Variants in SRP54 observed in about 807,000 individuals in gnomAD.
SRP54 encodes signal recognition particle subunit SRP54.
Under a neutral mutation model 64.8 loss-of-function variants are expected in SRP54, and 10 were observed. The observed-to-expected ratio is 0.15, with a 90% CI of 0.10 to 0.26. SRP54 has a LOEUF of 0.26. Among genes scored for constraint, SRP54 ranks in the 10% least tolerant of loss-of-function variants. The pLI, the probability that SRP54 is intolerant of heterozygous loss-of-function variation, is 1.00. For missense variants in SRP54, 325 were observed against 613.7 expected, an observed-to-expected ratio of 0.53 and a Z score of 4.97; for synonymous variants, 193 against 185.6, an observed-to-expected ratio of 1.04 and a Z score of -0.32.
At chr14:35,028,562 G>A (rs1008638124) in intron 15 of SRP54, among the ~76,000 whole-genome samples, 3 of 151,716 alleles carry the variant, frequency 2.0e-5, no homozygotes, top group Admixed American at 6.6e-5. Context: ...TTTCCCCTTC[G>A]GTAAAATCAC....
intron 9 of SRP54, 69 bp downstream of exon 9, chr14:35,013,563 TC>T: frequency 6.8e-7 from 1 of 1,471,628 alleles, no homozygotes; most frequent in East Asian, 2.3e-5. Context: ...TTTATAGCTT[TC>T]ATATTGATCA....
At chr14:35,006,451 T>C (rs916531815) in intron 4 of SRP54, among the ~76,000 whole-genome samples, 3 of 152,164 alleles carry the variant, frequency 2.0e-5, no homozygotes, top group African/African-American at 7.2e-5. Context: ...GTTTTACATA[T>C]AAAATACACA....
rs141732899 is a variant in SRP54, at chr14:34,996,485, A to T, written c.-33-192A>T. The stretch of plus-strand genomic sequence containing the variant: ...ATACAAGATTCCAATTAAGTATTCA[A>T]ATATAAGGCATCATAACCAAGTAGC... On this transcript the variant is annotated intron_variant, in intron 1 of 15. Coordinates refer to ENST00000216774, the MANE Select transcript of SRP54 (RefSeq NM_003136.4). 5.7e-3 allele frequency among the ~76,000 whole-genome samples: 868 copies of T among 152,334 alleles called. 8 individuals carry two copies. Among genetic ancestry groups the T allele is most frequent in the Non-Finnish European group, 6.3e-3 (431 of 68,022 alleles).
intron 9 of SRP54, among the ~76,000 whole-genome samples, 154 bp downstream of exon 9, chr14:35,013,648 G>T (rs2044389704): frequency 6.6e-6 from 1 of 152,218 alleles, no homozygotes; most frequent in Non-Finnish European, 1.5e-5. Context: ...TTTGGAGCCT[G>T]TCTGATATAG....
chr14:34,999,796 G>A (rs374575757), intron 3 of SRP54, 147 bp downstream of exon 3: 32 of 563,364 alleles, frequency 5.7e-5, no homozygotes, highest in East Asian at 4.5e-4. Context: ...TATGTTGGGC[G>A]AGAGCATGTG....
intron 4 of SRP54, chr14:35,004,458 T>C (rs902367211): frequency 6.6e-6 from 1 of 152,190 alleles, no homozygotes; most frequent in African/African-American, 2.4e-5. Context: ...TGTTACAAGA[T>C]CATTTACCAG....
chr14:35,008,602 T>C (rs2044304820), intron 5 of SRP54, 25 bp from the exon 6 acceptor site: 2 of 1,451,458 alleles, frequency 1.4e-6, no homozygotes, highest in Non-Finnish European at 1.9e-6. Context: ...TATGATATTA[T>C]ATTTTTAAAT....
intron 8 of SRP54, 64 bp from the exon 9 acceptor site, chr14:35,013,282 A>G: frequency 6.9e-7 from 1 of 1,455,338 alleles, no homozygotes; most frequent in Non-Finnish European, 9.5e-7. Context: ...GCTTCTAATG[A>G]TGACATTTGC....
At chr14:34,999,007 GTGTGTGGT>G (rs1200541370) in intron 2 of SRP54, among the ~76,000 whole-genome samples, 2 of 74,948 alleles carry the variant, frequency 2.7e-5, no homozygotes, top group African/African-American at 4.4e-5. Flanking sequence ...GTGTGTGTGT[GTGTGTGGT>G]TTTTTTTTTT....
intron 1 of SRP54, among the ~76,000 whole-genome samples, chr14:34,990,266 C>T (rs1473578523): frequency 6.6e-6 from 1 of 152,190 alleles, no homozygotes; most frequent in Non-Finnish European, 1.5e-5. Context: ...GAGGAATATA[C>T]ATCTTTAAAT....
chr14:35,022,914 A>G lies in SRP54; in HGVS notation c.1161A>G (p.Leu387=), dbSNP rs149533917. The G allele has an allele frequency of 4.1e-5, 66 of 1,612,466 alleles. No homozygotes were observed. Among genetic ancestry groups the G allele is most frequent in the Non-Finnish European group, 5.4e-5 (64 of 1,179,328 alleles). The change falls in exon 14 of 16, where the codon CTA becomes CTG. Residue 387 remains leucine, a synonymous_variant. Transcript: ENST00000216774. ...TIMDSMNDQE[L]DSTDGAKVFS... ...AGTAACTGACCTTGTCTACAGAACTAGACAGTACGGATGGTGCCAAAGTTT... is the reference window on the plus strand; with the variant it reads ...AGTAACTGACCTTGTCTACAGAACTGGACAGTACGGATGGTGCCAAAGTTT...
At chr14:35,012,990 C>G (rs969477223) in intron 8 of SRP54, among the ~76,000 whole-genome samples, 3 of 136,324 alleles carry the variant, frequency 2.2e-5, no homozygotes, top group South Asian at 2.4e-4. Context: ...GTCGCCCAGG[C>G]TGGAGTGCAG....
At chr14:34,997,194 T>C (rs1267410450) in intron 2 of SRP54, among the ~76,000 whole-genome samples, 4 of 152,212 alleles carry the variant, frequency 2.6e-5, no homozygotes, top group Non-Finnish European at 5.9e-5. Context: ...TATTTAGCAT[T>C]TTTATAAAAG....
At chr14:35,001,074 G>T in intron 4 of SRP54, 54 bp downstream of exon 4, 1 of 827,234 alleles carries the variant, frequency 1.2e-6, no homozygotes, top group Non-Finnish European at 1.9e-6. Flanking sequence ...ATAAAAAAGC[G>T]TTAGCACTAC....
intron 13 of SRP54, among the ~76,000 whole-genome samples, chr14:35,022,241 C>T (rs930732585): frequency 7.2e-5 from 11 of 151,950 alleles, no homozygotes; most frequent in African/African-American, 2.4e-4. Context: ...AAATGTTGGA[C>T]ATGGGGTCTC....
chr14:35,016,840 C>CTTTTTTTTTTTTTTTTTTTTTTTTTTTT (rs145307640), intron 11 of SRP54, among the ~76,000 whole-genome samples: 1 of 71,616 alleles, frequency 1.4e-5, no homozygotes, highest in Non-Finnish European at 3.0e-5. Context: ...CCTTTTTTTT[C>CTTTTTTTTTTTTTTTTTTTTTTTTTTTT]TTTTCTTTTT....
Position 35,029,347 on chromosome 14 carries a change from A to G in SRP54, c.*195A>G, listed in dbSNP as rs1439491318. 2.3e-6 allele frequency: 1 copy of G among 437,710 alleles called. No individual in the cohort carries two copies. The highest frequency in any genetic ancestry group is 4.0e-6 in the Non-Finnish European group (1 of 247,030). 27.1% of individuals were successfully genotyped at this position (437,710 alleles called of 1,614,324 possible). A position where few individuals can be genotyped will look rare whatever the true frequency, so the allele number is the denominator to read the frequency against. On this transcript the variant is annotated 3_prime_UTR_variant, in exon 16 of 16. Transcript: ENST00000216774. ...TTCCTCCCTTTAATATAAGGGAGAA[A>G]TACATGGTTTTTGTGGAAATCATTA...
At chr14:35,007,701 T>A (rs536348561) in intron 5 of SRP54, among the ~76,000 whole-genome samples, 2 of 125,140 alleles carry the variant, frequency 1.6e-5, no homozygotes, top group African/African-American at 5.4e-5. Context: ...AAAATAGATT[T>A]TATTAAAATA....
chr14:35,024,153 G>A (rs1187830927), intron 14 of SRP54, among the ~76,000 whole-genome samples: 2 of 151,896 alleles, frequency 1.3e-5, no homozygotes, highest in African/African-American at 2.4e-5. Context: ...TCAGCCTCCC[G>A]AGTAACTGGG....
Sources: allele counts gnomAD v4.1 joint callset (sites outside exome capture counted in the v4.1 genomes callset), GRCh38; gene constraint gnomAD v4.1.1; transcripts MANE v1.5; gene names NCBI Gene and HGNC (gene_info 2026-07-23, HGNC 2026-07-21).